ACTR3B: variants seen among roughly 807,000 people sequenced by gnomAD.
ACTR3B encodes actin related protein 3B.
A neutral mutation model predicts 59.0 loss-of-function variants in ACTR3B; 8 were observed. The observed-to-expected ratio is 0.14, with a 90% CI of 0.08 to 0.24. The LOEUF is 0.24. ACTR3B is among the 10% of genes least tolerant of loss of function. The pLI is 1.00. For missense variants in ACTR3B, 245 were observed against 552.3 expected, an observed-to-expected ratio of 0.44 and a Z score of 5.58; for synonymous variants, 148 against 197.9, an observed-to-expected ratio of 0.75 and a Z score of 2.12.
Position 152,825,335 on chromosome 7 carries a change from G to A in ACTR3B, c.951+213G>A, listed in dbSNP as rs549271824. Among the ~76,000 whole-genome samples the A allele has an allele frequency of 4.0e-3, 603 of 152,158 alleles. 6 individuals carry two copies. Among genetic ancestry groups the A allele is most frequent in the South Asian group, 0.039 (188 of 4,820 alleles). ...TTTTATTTTATTTTATTTTGGAGACGGACTCTTGCTCTGTCACCCGGGCTG... is the reference window on the plus strand; with the variant it reads ...TTTTATTTTATTTTATTTTGGAGACAGACTCTTGCTCTGTCACCCGGGCTG... On this transcript the variant is annotated intron_variant, in intron 9 of 11. Coordinates refer to ENST00000256001, the MANE Select transcript of ACTR3B (RefSeq NM_020445.6).
At chr7:152,813,988 T>A (rs1003055057) in intron 4 of ACTR3B, 1 of 61,032 alleles carries the variant, frequency 1.6e-5, no homozygotes, top group African/African-American at 4.2e-5. Flanking sequence ...GTGGGTAGGC[T>A]GGGGAGGTCC....
intron 2 of ACTR3B, among the ~76,000 whole-genome samples, chr7:152,799,826 T>C (rs974585777): frequency 6.6e-6 from 1 of 152,230 alleles, no homozygotes; most frequent in African/African-American, 2.4e-5. Context: ...ATGGAATCTT[T>C]GTGATGCCCT....
At chr7:152,760,797 T>G (rs1046542592) in intron 1 of ACTR3B, among the ~76,000 whole-genome samples, 1 of 152,194 alleles carries the variant, frequency 6.6e-6, no homozygotes, top group Non-Finnish European at 1.5e-5. Flanking sequence ...GTAAGGTGAT[T>G]GCTGAATCCA....
intron 9 of ACTR3B, among the ~76,000 whole-genome samples, chr7:152,842,297 G>A (rs1563151320): frequency 6.6e-6 from 1 of 152,218 alleles, no homozygotes. Context: ...TTATAACAGT[G>A]TGTTATACTG....
chr7:152,845,439 A>G (rs1798193119), intron 9 of ACTR3B, among the ~76,000 whole-genome samples: 1 of 152,188 alleles, frequency 6.6e-6, no homozygotes. Context: ...TTTAAAGTTC[A>G]CTGTCTGTGG....
chr7:152,823,547 G>A (rs758044903), intron 8 of ACTR3B, 32 bp downstream of exon 8: 2 of 1,608,680 alleles, frequency 1.2e-6, no homozygotes, highest in East Asian at 2.2e-5. Flanking sequence ...GTGCTCAAGT[G>A]TGGGATGGAG....
At chr7:152,764,801 A>G (rs1312907835) in intron 1 of ACTR3B, among the ~76,000 whole-genome samples, 1 of 152,222 alleles carries the variant, frequency 6.6e-6, no homozygotes, top group Non-Finnish European at 1.5e-5. Flanking sequence ...ATTAGTGTGC[A>G]TTCTCACCAG....
intron 7 of ACTR3B, among the ~76,000 whole-genome samples, chr7:152,820,877 C>T (rs1475640972): frequency 6.6e-6 from 1 of 152,258 alleles, no homozygotes; most frequent in Non-Finnish European, 1.5e-5. Context: ...TGGCCATAAG[C>T]ATCTTCTTCC....
rs138796294 is a variant in ACTR3B, at chr7:152,835,694, C to A, written c.951+10572C>A. ...CCGTCTTCTAGTGAGGCGTCCTGAC[C>A]ACCCTGCTCTAGACTGCACCTCGGC... On this transcript the variant is annotated intron_variant, in intron 9 of 11. Coordinates refer to ENST00000256001, the MANE Select transcript of ACTR3B (RefSeq NM_020445.6). Among the ~76,000 whole-genome samples, 96 of 152,268 alleles carry A rather than the reference C, an allele frequency of 6.3e-4. 1 individual carries two copies. The highest frequency in any genetic ancestry group is 2.2e-3 in the African/African-American group (92 of 41,556).
intron 2 of ACTR3B, among the ~76,000 whole-genome samples, chr7:152,788,572 T>C (rs749661541): frequency 1.2e-3 from 181 of 151,534 alleles, no homozygotes; most frequent in Non-Finnish European, 1.5e-3. Context: ...GCCACCATGC[T>C]CAGCTAATTT....
intron 1 of ACTR3B, among the ~76,000 whole-genome samples, chr7:152,760,592 T>A (rs144078364): frequency 2.0e-5 from 3 of 152,350 alleles, no homozygotes; most frequent in East Asian, 3.9e-4. Flanking sequence ...GCCTTTTCGC[T>A]GAAAAATGAT....
At chr7:152,762,711 A>G (rs959403321) in intron 1 of ACTR3B, among the ~76,000 whole-genome samples, 1 of 152,174 alleles carries the variant, frequency 6.6e-6, no homozygotes, top group African/African-American at 2.4e-5. Context: ...AGCGGCATAC[A>G]TTGCATCTGG....
chr7:152,827,751 G>A (rs1477831097), intron 9 of ACTR3B, among the ~76,000 whole-genome samples: 14 of 152,338 alleles, frequency 9.2e-5, no homozygotes, highest in Non-Finnish European at 2.9e-5. Context: ...AGAATGTTTG[G>A]TGGGCACCAC....
chr7:152,791,036 C>CA (rs2098194157), intron 2 of ACTR3B, among the ~76,000 whole-genome samples: 2 of 144,550 alleles, frequency 1.4e-5, no homozygotes, highest in Admixed American at 1.4e-4. Context: ...TTTTTTGAGA[C>CA]AGAGTCTTGC....
chr7:152,826,083 C>T (rs1387858967), intron 9 of ACTR3B, among the ~76,000 whole-genome samples: 2 of 152,082 alleles, frequency 1.3e-5, no homozygotes, highest in East Asian at 3.9e-4. Flanking sequence ...AGACTCAGGT[C>T]GCTGAATTGT....
chr7:152,825,067 T>A lies in ACTR3B; in HGVS notation c.896T>A (p.Val299Asp). 1 of 1,613,888 alleles carries A rather than the reference T, an allele frequency of 6.2e-7. No homozygotes were observed. Among genetic ancestry groups the A allele is most frequent in the Non-Finnish European group, 8.5e-7 (1 of 1,179,828 alleles). Residue 299 changes from valine to aspartate, a missense_variant, in exon 9 of 12, where the codon GTT becomes GAT. Coordinates refer to ENST00000256001, the MANE Select transcript of ACTR3B (RefSeq NM_020445.6). Reference protein sequence around the residue: ...NPDFMESISDVVDEVIQNCPI... With the variant: ...NPDFMESISDDVDEVIQNCPI... The stretch of plus-strand genomic sequence containing the variant: ...GACTTTATGGAGTCCATCTCAGATG[T>A]TGTTGATGAAGTAATACAGAACTGC...
intron 1 of ACTR3B, among the ~76,000 whole-genome samples, chr7:152,779,803 T>A (rs529430106): frequency 6.6e-6 from 1 of 152,204 alleles, no homozygotes; most frequent in Non-Finnish European, 1.5e-5. Flanking sequence ...GATGAGCCTA[T>A]GTTGGTGCAG....
At position 152,812,416 on chromosome 7, in the gene ACTR3B, G is replaced by A. The variant is rs915598285; in HGVS notation, c.337-2134G>A. On this transcript the variant is annotated intron_variant, in intron 4 of 11. Transcript: ENST00000256001. ...TGGACTTTCTGCATTCTTCTTGAGT[G>A]GATAAAGTTTATCCTCTAATAGTTC... The A allele has an allele frequency of 1.4e-4, 15 of 108,218 alleles. 1 individual carries two copies. The highest frequency in any genetic ancestry group is 9.6e-3 in the Middle Eastern group (2 of 208). 6.7% of individuals were successfully genotyped at this position (108,218 alleles called of 1,614,324 possible). A position where few individuals can be genotyped will look rare whatever the true frequency, so the allele number is the denominator to read the frequency against.
chr7:152,768,138 G>C (rs926195126), intron 1 of ACTR3B, among the ~76,000 whole-genome samples: 1 of 152,240 alleles, frequency 6.6e-6, no homozygotes, highest in African/African-American at 2.4e-5. Flanking sequence ...CAGGAGACTC[G>C]TTTGAACCTG....
Sources: allele counts gnomAD v4.1 joint callset (sites outside exome capture counted in the v4.1 genomes callset), GRCh38; gene constraint gnomAD v4.1.1; transcripts MANE v1.5; gene names NCBI Gene and HGNC (gene_info 2026-07-23, HGNC 2026-07-21).